SLC35F4: variants seen among roughly 807,000 people sequenced by gnomAD.
SLC35F4 encodes the protein chromosome 14 open reading frame 36.
Under a neutral mutation model 44.2 loss-of-function variants are expected in SLC35F4, and 24 were observed. The ratio of observed to expected loss-of-function variants is 0.54; its 90% CI spans 0.39 to 0.76. SLC35F4 has a LOEUF of 0.76. SLC35F4 is among the 30% of genes least tolerant of loss of function. The pLI, the probability that SLC35F4 is intolerant of heterozygous loss-of-function variation, is 0.00. For synonymous variants in SLC35F4, 238 were observed against 223.6 expected (o/e 1.06, Z -0.57); for missense variants, 562 against 586.1 (o/e 0.96, Z 0.42).
chr14:57,978,954 T>C (rs1881295834), intron 1 of SLC35F4, among the ~76,000 whole-genome samples: 1 of 152,310 alleles, frequency 6.6e-6, no homozygotes, highest in South Asian at 2.1e-4. Flanking sequence ...GTTGCTACCA[T>C]ACAATGGGAG....
chr14:57,723,947 G>A (rs1013770861), intron 1 of SLC35F4, among the ~76,000 whole-genome samples: 1 of 152,152 alleles, frequency 6.6e-6, no homozygotes, highest in East Asian at 1.9e-4. Context: ...TTCTACCTCA[G>A]TAAAATTTCT....
chr14:57,865,191 C>A (rs1396780357), intron 1 of SLC35F4, among the ~76,000 whole-genome samples: 1 of 152,096 alleles, frequency 6.6e-6, no homozygotes, highest in African/African-American at 2.4e-5. Flanking sequence ...GGAGTAACTC[C>A]CGCGCTGGCA....
intron 1 of SLC35F4, among the ~76,000 whole-genome samples, chr14:57,851,396 A>G (rs1303253165): frequency 6.6e-6 from 1 of 152,224 alleles, no homozygotes; most frequent in Non-Finnish European, 1.5e-5. Flanking sequence ...TTTGGGGGAT[A>G]GGTGAGTAGT....
chr14:57,700,360 G>GGAAGTTTACA (rs143381071), intron 1 of SLC35F4, among the ~76,000 whole-genome samples: 1 of 152,038 alleles, frequency 6.6e-6, no homozygotes, highest in Non-Finnish European at 1.5e-5. Context: ...AAGTTTACAA[G>GGAAGTTTACA]GAAGTTTACA....
chr14:57,650,415 C>G (rs1244926629), intron 1 of SLC35F4, among the ~76,000 whole-genome samples: 2 of 152,130 alleles, frequency 1.3e-5, no homozygotes, highest in African/African-American at 2.4e-5. Context: ...CATCACCATC[C>G]AACCAGTTAG....
chr14:57,661,248 C>T (rs2074127933), intron 1 of SLC35F4, among the ~76,000 whole-genome samples: 1 of 152,106 alleles, frequency 6.6e-6, no homozygotes, highest in Admixed American at 6.6e-5. Flanking sequence ...TTGTGGGGCA[C>T]ACAACTAATC....
intron 1 of SLC35F4, among the ~76,000 whole-genome samples, chr14:57,892,751 G>A (rs1273388251): frequency 2.0e-5 from 3 of 152,054 alleles, no homozygotes; most frequent in Non-Finnish European, 2.9e-5. Context: ...CAAAAGTCAT[G>A]AAACCAGTCC....
At chr14:57,678,069 C>A (rs1331331462) in intron 1 of SLC35F4, among the ~76,000 whole-genome samples, 2 of 151,914 alleles carry the variant, frequency 1.3e-5, no homozygotes, top group African/African-American at 4.8e-5. Flanking sequence ...GACAAATAAT[C>A]ATCAGATTCG....
chr14:57,907,155 T>C (rs570438063), intron 1 of SLC35F4, among the ~76,000 whole-genome samples: 2 of 152,334 alleles, frequency 1.3e-5, no homozygotes, highest in South Asian at 2.1e-4. Flanking sequence ...GGTGCAATCA[T>C]AGCTCACTGC....
At chr14:57,887,203 C>T (rs950802747) in intron 1 of SLC35F4, among the ~76,000 whole-genome samples, 2 of 152,200 alleles carry the variant, frequency 1.3e-5, no homozygotes, top group African/African-American at 2.4e-5. Flanking sequence ...AGCAAAAATC[C>T]GGGTAGTGCT....
At chr14:57,620,128 T>A (rs1703449) in intron 1 of SLC35F4, among the ~76,000 whole-genome samples, 92,392 of 151,896 alleles carry the variant, frequency 0.61, 30,423 homozygotes, top group Non-Finnish European at 0.74. Flanking sequence ...TCAGGATATT[T>A]TCCAGGAGAA....
At chr14:57,793,727 T>C (rs947350480) in intron 1 of SLC35F4, among the ~76,000 whole-genome samples, 1 of 152,132 alleles carries the variant, frequency 6.6e-6, no homozygotes, top group Non-Finnish European at 1.5e-5. Context: ...TCCTTTTCCT[T>C]TGGGTAGATT....
chr14:57,921,849 T>C (rs772955186), intron 1 of SLC35F4, among the ~76,000 whole-genome samples: 2 of 152,242 alleles, frequency 1.3e-5, no homozygotes, highest in Non-Finnish European at 2.9e-5. Context: ...CGTTCTGAGC[T>C]GCTGGAGGTT....
chr14:57,608,776 C>A (rs1435002129), intron 1 of SLC35F4, among the ~76,000 whole-genome samples: 1 of 127,348 alleles, frequency 7.9e-6, no homozygotes. Flanking sequence ...AAAAGCAGCC[C>A]AAAAGATGGC....
chr14:57,815,140 TC>T (rs1882417905), intron 1 of SLC35F4, among the ~76,000 whole-genome samples: 1 of 152,164 alleles, frequency 6.6e-6, no homozygotes, highest in African/African-American at 2.4e-5. Context: ...CATCTAACCC[TC>T]TACAGAAAGT....
chr14:57,626,608 T>C lies in SLC35F4; in HGVS notation c.104-32484A>G, dbSNP rs2072486510. Among the ~76,000 whole-genome samples the C allele has an allele frequency of 4.6e-5, 7 of 152,110 alleles. No individual in the cohort carries two copies. In the South Asian group the frequency reaches 1.0e-3, roughly 22 times the overall value. On this transcript the variant is annotated intron_variant, in intron 1 of 7. Coordinates refer to ENST00000556826, the MANE Select transcript of SLC35F4 (RefSeq NM_001306087.2). ...AATTGCACACTCAACAAGGAATCCATGTCCCCCAAAAGTTCAAGAACCAGA... is the reference window on the plus strand; with the variant it reads ...AATTGCACACTCAACAAGGAATCCACGTCCCCCAAAAGTTCAAGAACCAGA...
intron 1 of SLC35F4, among the ~76,000 whole-genome samples, chr14:57,613,680 A>C (rs936633320): frequency 6.6e-6 from 1 of 152,216 alleles, no homozygotes; most frequent in African/African-American, 2.4e-5. Flanking sequence ...ATACAGCTTG[A>C]CTTCCTGCAT....
chr14:57,736,246 G>A (rs2076461058), intron 1 of SLC35F4, among the ~76,000 whole-genome samples: 1 of 152,248 alleles, frequency 6.6e-6, no homozygotes. Context: ...TCTTAGAATT[G>A]CAGCATGTCT....
At chr14:57,898,929 A>G (rs1182818285) in intron 1 of SLC35F4, among the ~76,000 whole-genome samples, 1 of 152,214 alleles carries the variant, frequency 6.6e-6, no homozygotes, top group Admixed American at 6.5e-5. Context: ...CTGCAGGATC[A>G]TGCCTCCAGA....
Sources: allele counts gnomAD v4.1 joint callset (sites outside exome capture counted in the v4.1 genomes callset), GRCh38; gene constraint gnomAD v4.1.1; transcripts MANE v1.5; gene names NCBI Gene and HGNC (gene_info 2026-07-23, HGNC 2026-07-21).